CRYBG1: variants seen among roughly 807,000 people sequenced by gnomAD.
CRYBG1 encodes beta/gamma crystallin domain-containing protein 1.
A neutral mutation model predicts 189.2 loss-of-function variants in CRYBG1; 139 were observed. That is an observed-to-expected ratio of 0.73 (90% CI 0.64 to 0.85). CRYBG1 has a LOEUF of 0.85. CRYBG1 is among the 40% of genes least tolerant of loss of function. The pLI is 0.00. For missense variants in CRYBG1, 2,611 were observed against 2,675.8 expected (o/e 0.98, Z 0.53); for synonymous variants, 1,023 against 1,017.1 (o/e 1.01, Z -0.11).
chr6:106,366,741 A>G (rs972646066), intron 1 of CRYBG1, among the ~76,000 whole-genome samples: 6 of 152,228 alleles, frequency 3.9e-5, no homozygotes, highest in African/African-American at 1.4e-4. Context: ...TATGTAAAGC[A>G]CCCAGCACAG....
chr6:106,443,637 A>C (rs1035529982), intron 1 of CRYBG1, among the ~76,000 whole-genome samples: 3 of 152,226 alleles, frequency 2.0e-5, no homozygotes, highest in African/African-American at 7.2e-5. Context: ...AGGAGGGCTC[A>C]AAGATGACTC....
rs531130223 is a variant in CRYBG1 at position 106,544,985 on chromosome 6, G to A, written c.5312+52G>A. 1.9e-5 allele frequency: 29 copies of A among 1,500,484 alleles called. No homozygotes were observed. The South Asian group carries it at 3.5e-4, about 18-fold the overall frequency. The allele number at this position is 1,500,484 out of a possible 1,614,324, so 92.9% of individuals were successfully genotyped here. A position where few individuals can be genotyped will look rare whatever the true frequency, so the allele number is the denominator to read the frequency against. On this transcript the variant is annotated intron_variant, in intron 13 of 21. Transcript: ENST00000633556. ...TTAAACATGCGTTTTACCTTGGTTTGTTTTAAACTGGTAAGAGTCTATCAC... is the reference window on the plus strand; with the variant it reads ...TTAAACATGCGTTTTACCTTGGTTTATTTTAAACTGGTAAGAGTCTATCAC...
chr6:106,549,698 A>C (rs1238259045), intron 13 of CRYBG1, among the ~76,000 whole-genome samples: 5 of 152,202 alleles, frequency 3.3e-5, no homozygotes, highest in Admixed American at 1.3e-4. Flanking sequence ...TGAGTGGTGC[A>C]TATAGCAGCT....
At position 106,371,272 on chromosome 6, in the gene CRYBG1, T is replaced by C. The variant is rs188458473; in HGVS notation, c.173+10191T>C. Among the ~76,000 whole-genome samples, 3 of 152,360 alleles carry C rather than the reference T, an allele frequency of 2.0e-5. No homozygotes were observed. The East Asian group carries it at 5.8e-4, about 29-fold the overall frequency. On this transcript the variant is annotated intron_variant, in intron 1 of 21. Coordinates refer to ENST00000633556, the MANE Select transcript of CRYBG1 (RefSeq NM_001371242.2). ...TGAAAGCACAGCTTGAGTTTTTGCA[T>C]CTGCTATTAGTAAAAGGTATGATAG...
At chr6:106,480,664 C>CTTTTTTTTTTTT in intron 2 of CRYBG1, among the ~76,000 whole-genome samples, 1 of 138,624 alleles carries the variant, frequency 7.2e-6, no homozygotes, top group South Asian at 2.2e-4. Flanking sequence ...AAGACTCCAT[C>CTTTTTTTTTTTT]TCAAAAAGAA....
chr6:106,544,605 C>A lies in CRYBG1; in HGVS notation c.5074C>A (p.His1692Asn). The A allele has an allele frequency of 1.2e-6, 2 of 1,613,846 alleles. No homozygotes were observed. Among genetic ancestry groups the A allele is most frequent in the South Asian group, 2.2e-5 (2 of 91,042 alleles). ...VAYEKPGFTG[H>N]QYLLEEGEYR... ...ATATGAGAAACCTGGATTTACCGGT[C>A]ATCAGTATTTGCTAGAAGAAGGAGA... is the stretch of plus-strand genomic sequence containing the variant. The change falls in exon 12 of 22, where the codon CAT (histidine) becomes AAT (asparagine). Residue 1692 changes from histidine to asparagine, a missense_variant. His to Asn is a moderately conservative substitution (Grantham distance 68). This residue lies in a region of CRYBG1 where 1,622 missense variants were observed against 1,735.0 expected (regional missense o/e 0.93). Transcript: ENST00000633556.
At position 106,375,424 on chromosome 6, in the gene CRYBG1, A is replaced by C. The variant is rs1455531239; in HGVS notation, c.173+14343A>C. ...AAGTAAGTAAGTAAGTAAGTAAGTA[A>C]ATAAATAAATAAATAAATAAATAAA... is the stretch of plus-strand genomic sequence containing the variant. On this transcript the variant is annotated intron_variant, in intron 1 of 21. Transcript: ENST00000633556. Among the ~76,000 whole-genome samples the C allele has an allele frequency of 7.2e-5, 7 of 97,198 alleles. No individual in the cohort carries two copies. The East Asian group carries it at 1.9e-3, about 27-fold the overall frequency. 63.8% of individuals were successfully genotyped at this position (97,198 alleles called of 152,430 possible). A position where few individuals can be genotyped will look rare whatever the true frequency, so the allele number is the denominator to read the frequency against.
chr6:106,412,331 A>G (rs1324172973), intron 1 of CRYBG1, among the ~76,000 whole-genome samples: 1 of 152,244 alleles, frequency 6.6e-6, no homozygotes, highest in Admixed American at 6.5e-5. Flanking sequence ...TTCTTTTGCC[A>G]CTTTAAAATT....
chr6:106,421,642 A>C, intron 1 of CRYBG1, among the ~76,000 whole-genome samples: 1 of 152,014 alleles, frequency 6.6e-6, no homozygotes, highest in East Asian at 1.9e-4. Flanking sequence ...TTGTCCTGTT[A>C]ATCTATGGGC....
intron 2 of CRYBG1, among the ~76,000 whole-genome samples, chr6:106,510,834 G>A (rs753924404): frequency 1.8e-4 from 27 of 152,238 alleles, no homozygotes; most frequent in Non-Finnish European, 2.6e-4. Context: ...TTGGAGCTCC[G>A]GCTAAGGCGG....
At chr6:106,552,036 T>G in intron 14 of CRYBG1, 58 bp downstream of exon 14, 1 of 1,507,166 alleles carries the variant, frequency 6.6e-7, no homozygotes, top group African/African-American at 1.4e-5. Context: ...TTCCTTAATG[T>G]GTGTTCCTGG....
At chr6:106,399,919 C>G (rs1770689854) in intron 1 of CRYBG1, among the ~76,000 whole-genome samples, 1 of 151,936 alleles carries the variant, frequency 6.6e-6, no homozygotes, top group South Asian at 2.1e-4. Context: ...GGCAGATCAC[C>G]TGAGGTCAGG....
chr6:106,450,000 G>C (rs1771746716), intron 1 of CRYBG1, among the ~76,000 whole-genome samples: 1 of 152,130 alleles, frequency 6.6e-6, no homozygotes, highest in South Asian at 2.1e-4. Flanking sequence ...TGAGGCAGGT[G>C]GCTCACTTAA....
rs747113425 is a variant in CRYBG1, at chr6:106,553,472, A to C, written c.5490A>C (p.Glu1830Asp). 7 of 1,611,796 alleles carry C rather than the reference A, an allele frequency of 4.3e-6. No individual in the cohort carries two copies. The South Asian group carries it at 6.6e-5, about 15-fold the overall frequency. ...RRRNQIHLFSEPQFQGHSQSF... is the reference protein window; with the variant it reads ...RRRNQIHLFSDPQFQGHSQSF... ...TTTCAAAGATTCACTTGTTTTCAGA[A>C]CCACAGTTTCAAGGTCACAGTCAAA... Residue 1830 changes from glutamate to aspartate, a missense_variant, in exon 16 of 22, where the codon GAA (glutamate) becomes GAC (aspartate). This residue lies in a region of CRYBG1 where 1,622 missense variants were observed against 1,735.0 expected (regional missense o/e 0.93). Transcript: ENST00000633556.
chr6:106,453,825 G>A (rs1056710268), intron 2 of CRYBG1, among the ~76,000 whole-genome samples: 16 of 152,208 alleles, frequency 1.1e-4, no homozygotes, highest in Non-Finnish European at 1.6e-4. Context: ...AAATGTCAGG[G>A]AAGGAAGGAG....
Position 106,512,827 on chromosome 6 carries a change from G to A in CRYBG1, c.1710G>A (p.Glu570=), listed in dbSNP as rs773838181. 3.2e-6 allele frequency: 5 copies of A among 1,577,132 alleles called. No individual in the cohort carries two copies. The East Asian group carries it at 7.0e-5, about 22-fold the overall frequency. The change falls in exon 3 of 22, where the codon GAG becomes GAA. Residue 570 remains glutamate, a synonymous_variant. Transcript: ENST00000633556. The stretch of plus-strand genomic sequence containing the variant: ...AGGCGGCGCGGGCCATCCCCCGCGA[G>A]CTCCCGGTCAAGAGCAGCTCGCTGC... ...GEEAARAIPR[E]LPVKSSSLLP... is the part of the protein sequence containing the mutation.
At chr6:106,521,709 A>AT (rs1430149241) in intron 4 of CRYBG1, among the ~76,000 whole-genome samples, 112 of 82,226 alleles carry the variant, frequency 1.4e-3, no homozygotes, top group African/African-American at 4.9e-3. Flanking sequence ...AAGGCACATG[A>AT]TCTTTTTTTT....
chr6:106,360,997 G>T lies in CRYBG1; in HGVS notation c.89G>T (p.Arg30Leu). ...AAGCACACCACCTTCCACCTCTGGC[G>T]CTCCAAAAAGAAGCAGCAGCCGGCG... Reference protein sequence around the residue: ...PKKHTTFHLWRSKKKQQPAPP... With the variant: ...PKKHTTFHLWLSKKKQQPAPP... The change falls in exon 1 of 22, where the codon CGC (arginine) becomes CTC (leucine). Residue 30 changes from arginine (R) to leucine (L), a missense_variant. Physicochemically the swap from Arg to Leu is moderately radical, Grantham distance 102. Coordinates refer to ENST00000633556, the MANE Select transcript of CRYBG1 (RefSeq NM_001371242.2). 1.3e-6 allele frequency: 2 copies of T among 1,535,156 alleles called. No individual in the cohort carries two copies. Among genetic ancestry groups the T allele is most frequent in the Non-Finnish European group, 1.7e-6 (2 of 1,146,562 alleles).
chr6:106,498,735 G>A (rs897151085), intron 2 of CRYBG1, among the ~76,000 whole-genome samples: 2 of 152,054 alleles, frequency 1.3e-5, no homozygotes, highest in Non-Finnish European at 1.5e-5. Context: ...TTAGCCAGGC[G>A]TGATGGTGAG....
Sources: gnomAD v4.1 joint callset for allele counts (sites outside exome capture counted in the v4.1 genomes callset) on GRCh38, gnomAD v4.1.1 for gene constraint, gnomAD v4.1.1 regional missense constraint, MANE v1.5 for transcripts, NCBI Gene and HGNC (gene_info 2026-07-23, HGNC 2026-07-21) for gene names.